The following FRMD4A variants were observed in gnomAD, a reference collection of about 807,000 sequenced individuals.
FRMD4A encodes FERM domain-containing protein 4A.
Under a neutral mutation model 129.1 loss-of-function variants are expected in FRMD4A, and 29 were observed. That is an observed-to-expected ratio of 0.22 (90% CI 0.17 to 0.31). The LOEUF (loss-of-function observed/expected upper bound fraction) is 0.31, where lower values mean the gene tolerates loss of function less well. Ranked by LOEUF, FRMD4A falls within the 10% of genes least tolerant of loss-of-function variation. The pLI is 1.00. For synonymous variants in FRMD4A, 634 were observed against 571.6 expected (o/e 1.11, Z -1.56); for missense variants, 1,272 against 1,375.8 (o/e 0.92, Z 1.19).
chr10:14,048,506 T>A (rs1381550442), intron 2 of FRMD4A, among the ~76,000 whole-genome samples: 1 of 152,096 alleles, frequency 6.6e-6, no homozygotes, highest in Non-Finnish European at 1.5e-5. Flanking sequence ...TTAAGTTTGC[T>A]GAGAAATATG....
At chr10:13,887,786 C>T (rs897624494) in intron 2 of FRMD4A, among the ~76,000 whole-genome samples, 3 of 152,160 alleles carry the variant, frequency 2.0e-5, no homozygotes, top group Non-Finnish European at 4.4e-5. Flanking sequence ...CTTCTGTAAA[C>T]GTAAGAGAGG....
chr10:14,177,384 G>T (rs2131895242), intron 2 of FRMD4A, among the ~76,000 whole-genome samples: 1 of 152,068 alleles, frequency 6.6e-6, no homozygotes, highest in East Asian at 1.9e-4. Context: ...TGTTGGCGGG[G>T]CTGGTCTTGA....
intron 2 of FRMD4A, among the ~76,000 whole-genome samples, chr10:14,188,886 A>G (rs1842230038): frequency 6.6e-6 from 1 of 152,190 alleles, no homozygotes; most frequent in Non-Finnish European, 1.5e-5. Context: ...AGTCTGGGCA[A>G]CGGAGCGAGG....
Position 14,141,197 on chromosome 10 carries a change from C to G in FRMD4A, c.45+188861G>C, listed in dbSNP as rs145781331. Among the ~76,000 whole-genome samples, 1,407 of 152,208 alleles carry G rather than the reference C, an allele frequency of 9.2e-3. 8 individuals are homozygous for G. The highest frequency in any genetic ancestry group is 0.016 in the Non-Finnish European group (1,096 of 68,012). ...GCCTTGGAAATGGGTAGAGAAAGGG[C>G]CTTCGAAGTCTCCACTCAGAAGACA... is the stretch of plus-strand genomic sequence containing the variant. On this transcript the variant is annotated intron_variant, in intron 2 of 24. Transcript: ENST00000357447.
intron 2 of FRMD4A, among the ~76,000 whole-genome samples, chr10:13,911,052 T>C (rs1163156907): frequency 1.3e-5 from 2 of 152,210 alleles, no homozygotes; most frequent in African/African-American, 4.8e-5. Context: ...GAAAGTGCTA[T>C]GTGGAGTTTT....
rs1174968730 is a variant in FRMD4A at position 13,651,951 on chromosome 10, A to C, written c.3074T>G (p.Ile1025Ser). 1.9e-6 allele frequency: 3 copies of C among 1,596,936 alleles called. No individual in the cohort carries two copies. Among genetic ancestry groups the C allele is most frequent in the Non-Finnish European group, 2.6e-6 (3 of 1,164,460 alleles). Residue 1025 changes from isoleucine (I) to serine (S), a missense_variant, in exon 24 of 25, where the codon ATT becomes AGT. Transcript: ENST00000357447. ...QTGEATENSP[I>S]LDGSESPPHQ... ...AGGTGGAGACTCAGACCCATCCAGA[A>C]TGGGTGAGTTTTCTGTTGCTTCTCT...
chr10:13,682,636 GACCACAGGCACACGCC>G (rs1348369471), intron 15 of FRMD4A, among the ~76,000 whole-genome samples: 1 of 151,480 alleles, frequency 6.6e-6, no homozygotes, highest in African/African-American at 2.4e-5. Flanking sequence ...GAATAGCTGG[GACCACAGGCACACGCC>G]ACCACGCCCG....
intron 2 of FRMD4A, among the ~76,000 whole-genome samples, chr10:13,947,648 T>G (rs1489671662): frequency 1.3e-5 from 2 of 152,054 alleles, no homozygotes; most frequent in African/African-American, 4.8e-5. Context: ...ACACCATGTC[T>G]AACATTTTCA....
At chr10:14,010,664 C>CTTTTTTTTTGTTTTTTTTTTTTTTTT (rs2095678827) in intron 2 of FRMD4A, among the ~76,000 whole-genome samples, 3 of 76,418 alleles carry the variant, frequency 3.9e-5, no homozygotes, top group African/African-American at 8.9e-5. Context: ...GAGTTTAGGT[C>CTTTTTTTTTGTTTTTTTTTTTTTTTT]TTTTTTTTTT....
Position 14,153,029 on chromosome 10 carries a change from G to A in FRMD4A, c.45+177029C>T, listed in dbSNP as rs986786271. Among the ~76,000 whole-genome samples, 28 of 152,242 alleles carry A rather than the reference G, an allele frequency of 1.8e-4. 2 individuals carry two copies. The highest frequency in any genetic ancestry group is 1.4e-3 in the Admixed American group (21 of 15,290). ...GTGCCCCAGGCCTCGGCAGAGACTC[G>A]TGGACTCCACACAAGGCAGGGAAGC... On this transcript the variant is annotated intron_variant, in intron 2 of 24. Transcript: ENST00000357447.
chr10:14,106,847 C>A (rs1837612429), intron 2 of FRMD4A, among the ~76,000 whole-genome samples: 1 of 141,064 alleles, frequency 7.1e-6, no homozygotes, highest in Non-Finnish European at 1.5e-5. Flanking sequence ...ACCCAGCAAT[C>A]CCATTAGTGG....
chr10:14,275,395 A>T (rs1425951884), intron 2 of FRMD4A, among the ~76,000 whole-genome samples: 2 of 152,248 alleles, frequency 1.3e-5, no homozygotes, highest in Admixed American at 1.3e-4. Context: ...GGGTGAGTGT[A>T]TCGCAACCTT....
intron 2 of FRMD4A, among the ~76,000 whole-genome samples, chr10:13,884,383 CAAAG>C (rs2094594468): frequency 2.0e-5 from 3 of 152,190 alleles, no homozygotes; most frequent in South Asian, 2.1e-4. Context: ...GGGAAGTAGA[CAAAG>C]AACATTATGG....
chr10:14,218,894 G>T (rs1307728516), intron 2 of FRMD4A, among the ~76,000 whole-genome samples: 4 of 134,686 alleles, frequency 3.0e-5, no homozygotes, highest in Non-Finnish European at 6.2e-5. Flanking sequence ...GCCAGAGGTT[G>T]CAGTGAGCCG....
chr10:14,250,115 C>G (rs1253221228), intron 2 of FRMD4A, among the ~76,000 whole-genome samples: 1 of 152,106 alleles, frequency 6.6e-6, no homozygotes, highest in African/African-American at 2.4e-5. Flanking sequence ...TGCGTGCTAC[C>G]ACGCCTGGCT....
intron 5 of FRMD4A, among the ~76,000 whole-genome samples, chr10:13,787,449 G>A (rs2130796716): frequency 6.6e-6 from 1 of 152,034 alleles, no homozygotes; most frequent in African/African-American, 2.4e-5. Context: ...TGGATTCAAA[G>A]TCAAAATTTT....
chr10:14,225,414 A>G (rs1268046404), intron 2 of FRMD4A, among the ~76,000 whole-genome samples: 1 of 152,232 alleles, frequency 6.6e-6, no homozygotes, highest in Non-Finnish European at 1.5e-5. Flanking sequence ...AAAGTCTTCA[A>G]TCTGATCGAA....
At chr10:13,660,789 G>A (rs1034026879) in intron 19 of FRMD4A, among the ~76,000 whole-genome samples, 3 of 152,200 alleles carry the variant, frequency 2.0e-5, no homozygotes, top group Admixed American at 6.5e-5. Context: ...GGGAAGAGAT[G>A]CGTCACTTTT....
At position 13,882,371 on chromosome 10, in the gene FRMD4A, A is replaced by C. The variant is rs148276520; in HGVS notation, c.46-23459T>G. On this transcript the variant is annotated intron_variant, in intron 2 of 24. Coordinates refer to ENST00000357447, the MANE Select transcript of FRMD4A (RefSeq NM_018027.5). ...TGACTCCGAGCAACGCAGAAAGAGG[A>C]AGCTCGAGGCAGGCATGGTGAGTCA... is the stretch of plus-strand genomic sequence containing the variant. Among the ~76,000 whole-genome samples the C allele has an allele frequency of 4.5e-3, 679 of 152,312 alleles. 5 individuals are homozygous for C. Among genetic ancestry groups the C allele is most frequent in the African/African-American group, 0.015 (632 of 41,572 alleles).
Sources: allele counts gnomAD v4.1 joint callset (sites outside exome capture counted in the v4.1 genomes callset), GRCh38; gene constraint gnomAD v4.1.1; transcripts MANE v1.5; gene names NCBI Gene and HGNC (gene_info 2026-07-23, HGNC 2026-07-21).